The following PLEKHD1 variants were observed in gnomAD, a reference collection of about 807,000 sequenced individuals.
PLEKHD1 encodes pleckstrin homology domain-containing family D member 1.
PLEKHD1 carries 51 observed loss-of-function variants against 69.2 expected under a neutral mutation model. The observed-to-expected ratio is 0.74, with a 90% CI of 0.59 to 0.93. The LOEUF (loss-of-function observed/expected upper bound fraction) is 0.93, where lower values mean the gene tolerates loss of function less well. Ranked by LOEUF, PLEKHD1 falls within the 40% of genes least tolerant of loss-of-function variation. PLEKHD1 has a pLI of 0.00. For synonymous variants in PLEKHD1, 236 were observed against 244.7 expected, an observed-to-expected ratio of 0.96 and a Z score of 0.33; for missense variants, 584 against 641.0, an observed-to-expected ratio of 0.91 and a Z score of 0.96.
At chr14:69,511,182 A>C (rs1021074426) in intron 6 of PLEKHD1, among the ~76,000 whole-genome samples, 1 of 152,076 alleles carries the variant, frequency 6.6e-6, no homozygotes, top group African/African-American at 2.4e-5. Context: ...TTTGAAACAG[A>C]GTTTCAGTCT....
chr14:69,476,755 C>T, the PLEKHD1 span, among the ~76,000 whole-genome samples: 1 of 152,180 alleles, frequency 6.6e-6, no homozygotes, highest in Non-Finnish European at 1.5e-5. Flanking sequence ...AGGGGAATGA[C>T]TGTGAGTGAG....
rs112229789 is a variant in PLEKHD1, at chr14:69,526,823, G to C, written c.1050G>C (p.Glu350Asp). Residue 350 changes from glutamate (E) to aspartate (D), a missense_variant, in exon 10 of 13, where the codon GAG becomes GAC. By Grantham distance (45) the Glu-to-Asp change is conservative (BLOSUM62 2). Transcript: ENST00000322564. ...CAGAGAAGCAGCAGGCTGAGCGGGA[G>C]CTCAAGGTGCGACCTGGCCTGCTGG... ...LTAEKQQAER[E>D]LKAEVKVRMD... 3 of 1,543,546 alleles carry C rather than the reference G, an allele frequency of 1.9e-6. No homozygotes were observed. Among genetic ancestry groups the C allele is most frequent in the African/African-American group, 2.7e-5 (2 of 72,912 alleles).
chr14:69,509,616 T>A (rs1177979783), intron 6 of PLEKHD1, among the ~76,000 whole-genome samples: 1 of 152,056 alleles, frequency 6.6e-6, no homozygotes, highest in Non-Finnish European at 1.5e-5. Context: ...CATGTGGCTG[T>A]CCAGTTGTTC....
chr14:69,512,531 CATTT>C (rs150796911), intron 6 of PLEKHD1, among the ~76,000 whole-genome samples: 4,542 of 151,862 alleles, frequency 0.03, 145 homozygotes, highest in South Asian at 0.17. Flanking sequence ...TGATGCTATG[CATTT>C]CTCTCAAAGC....
At chr14:69,498,663 T>TTCTCTTCTCTTCTC (rs1555337218) in intron 1 of PLEKHD1, among the ~76,000 whole-genome samples, 75 of 61,898 alleles carry the variant, frequency 1.2e-3, no homozygotes, top group African/African-American at 3.3e-3. Context: ...CTTCTCTTCT[T>TTCTCTTCTCTTCTC]TGAGATGGAG....
At chr14:69,495,579 G>A (rs1882870504) in intron 1 of PLEKHD1, among the ~76,000 whole-genome samples, 1 of 152,208 alleles carries the variant, frequency 6.6e-6, no homozygotes, top group Admixed American at 6.5e-5. Context: ...GGAATGAGGT[G>A]TGGTATGTGG....
intron 6 of PLEKHD1, chr14:69,503,690 C>CAAAAAAA (rs1164078389): frequency 4.3e-5 from 2 of 45,986 alleles, no homozygotes; most frequent in Non-Finnish European, 4.5e-5. Flanking sequence ...GACTCCGTCT[C>CAAAAAAA]AAAAAAAAAA....
chr14:69,500,011 T>C lies in PLEKHD1; in HGVS notation c.150-104T>C, dbSNP rs1882986843. 5 of 735,358 alleles carry C rather than the reference T, an allele frequency of 6.8e-6. No individual in the cohort carries two copies. The East Asian group carries it at 1.3e-4, about 20-fold the overall frequency. 45.6% of individuals were successfully genotyped at this position (735,358 alleles called of 1,614,324 possible). A position where few individuals can be genotyped will look rare whatever the true frequency, so the allele number is the denominator to read the frequency against. ...AAGGATGGCTGAGCTGGTGTCCCTG[T>C]GGGCTCCCATGTGAGTCCAGGGCCC... On this transcript the variant is annotated intron_variant, in intron 1 of 12. Transcript: ENST00000322564.
rs551176366 is a variant in PLEKHD1 at position 69,524,261 on chromosome 14, G to C, written c.683G>C (p.Gly228Ala). Residue 228 changes from glycine (G) to alanine (A), a missense_variant, in exon 8 of 13, where the codon GGT (glycine) becomes GCT (alanine). Transcript: ENST00000322564. ...ELELTARCLK[G>A]VEQEKKELRH... ...GAACTGACTGCAAGATGCCTTAAGG[G>C]TGTAGAACAAGAGAAAAAGGAACTG... The C allele has an allele frequency of 6.4e-7, 1 of 1,551,522 alleles. No homozygotes were observed. The highest frequency in any genetic ancestry group is 2.4e-5 in the East Asian group (1 of 40,924).
intron 6 of PLEKHD1, among the ~76,000 whole-genome samples, chr14:69,519,561 C>G (rs1883462204): frequency 6.6e-6 from 1 of 152,072 alleles, no homozygotes; most frequent in Non-Finnish European, 1.5e-5. Flanking sequence ...CCAGTCATTC[C>G]AAGCCAAATG....
chr14:69,497,788 G>A (rs888821849), intron 1 of PLEKHD1, among the ~76,000 whole-genome samples: 5 of 152,310 alleles, frequency 3.3e-5, no homozygotes, highest in African/African-American at 1.2e-4. Flanking sequence ...CCGCAGTGGG[G>A]GCAGAAAGGC....
chr14:69,498,056 T>A (rs868519684), intron 1 of PLEKHD1, among the ~76,000 whole-genome samples: 1,306 of 121,414 alleles, frequency 0.011, 26 homozygotes, highest in African/African-American at 0.042. Flanking sequence ...TATTTTATTT[T>A]ATTTATTTTA....
At chr14:69,516,368 CT>C (rs1328937270) in intron 6 of PLEKHD1, among the ~76,000 whole-genome samples, 1 of 151,896 alleles carries the variant, frequency 6.6e-6, no homozygotes, top group East Asian at 1.9e-4. Context: ...TCATTTTAGC[CT>C]TTTTTTCTCT....
At chr14:69,506,087 A>C (rs371482501) in intron 6 of PLEKHD1, among the ~76,000 whole-genome samples, 5 of 152,298 alleles carry the variant, frequency 3.3e-5, no homozygotes, top group African/African-American at 1.2e-4. Flanking sequence ...GAGTTGGAAA[A>C]AATGTGCCAC....
In PLEKHD1 at chr14:69,500,150, A is replaced by C; in HGVS notation, c.185A>C (p.Tyr62Ser). ...FIIKESFLLYYSESEKKSFET... is the reference protein window; with the variant it reads ...FIIKESFLLYSSESEKKSFET... ...ATCAAAGAGAGCTTTCTGCTTTACT[A>C]CTCTGAGAGCGAAAAAAAGAGCTTT... The change falls in exon 2 of 13, where the codon TAC becomes TCC. Residue 62 changes from tyrosine to serine, a missense_variant. Transcript: ENST00000322564. 6.4e-7 allele frequency: 1 copy of C among 1,550,546 alleles called. No individual in the cohort carries two copies. Among genetic ancestry groups the C allele is most frequent in the Non-Finnish European group, 8.7e-7 (1 of 1,146,112 alleles).
intron 6 of PLEKHD1, among the ~76,000 whole-genome samples, chr14:69,520,526 C>T (rs560014137): frequency 7.0e-4 from 106 of 152,036 alleles, no homozygotes; most frequent in Non-Finnish European, 1.2e-3. Flanking sequence ...GTCAGGAGTT[C>T]GAGACCAGCC....
At chr14:69,475,737 C>T in the PLEKHD1 span, among the ~76,000 whole-genome samples, 1 of 152,058 alleles carries the variant, frequency 6.6e-6, no homozygotes, top group Non-Finnish European at 1.5e-5. Flanking sequence ...GTCAACTAGT[C>T]TTCTGTGCCC....
chr14:69,493,676 C>T (rs1299999355), intron 1 of PLEKHD1, among the ~76,000 whole-genome samples: 1 of 152,244 alleles, frequency 6.6e-6, no homozygotes, highest in Admixed American at 6.5e-5. Context: ...CAAAGATTAC[C>T]TTCTTAACTC....
At chr14:69,469,558 C>T in the PLEKHD1 span, among the ~76,000 whole-genome samples, 8 of 152,046 alleles carry the variant, frequency 5.3e-5, 1 homozygote, top group African/African-American at 9.6e-5. Context: ...CACAGGTGCA[C>T]GCCAGCATGC....
Sources: allele counts gnomAD v4.1 joint callset (sites outside exome capture counted in the v4.1 genomes callset), GRCh38; gene constraint gnomAD v4.1.1; transcripts MANE v1.5; gene names NCBI Gene and HGNC (gene_info 2026-07-23, HGNC 2026-07-21).